Variants in DLG2 observed in about 807,000 individuals in gnomAD.
DLG2 encodes disks large homolog 2.
Under a neutral mutation model 132.5 loss-of-function variants are expected in DLG2, and 45 were observed. The observed-to-expected ratio is 0.34, with a 90% CI of 0.27 to 0.44. The LOEUF is 0.44. Among genes scored for constraint, DLG2 ranks in the 20% least tolerant of loss-of-function variants. The pLI is 1.00. For synonymous variants in DLG2, 424 were observed against 419.6 expected, an observed-to-expected ratio of 1.01 and a Z score of -0.13; for missense variants, 1,045 against 1,196.9, an observed-to-expected ratio of 0.87 and a Z score of 1.87.
At chr11:85,053,279 A>G (rs190862470) in intron 6 of DLG2, among the ~76,000 whole-genome samples, 279 of 152,264 alleles carry the variant, frequency 1.8e-3, no homozygotes, top group African/African-American at 6.4e-3. Flanking sequence ...AAAAAACACT[A>G]AAGAAAAAGA....
intron 6 of DLG2, among the ~76,000 whole-genome samples, chr11:84,538,836 TTTTC>T (rs1166396909): frequency 6.6e-6 from 1 of 152,148 alleles, no homozygotes; most frequent in African/African-American, 2.4e-5. Context: ...CCGTGTTTTT[TTTTC>T]TTTGAGTCTT....
At chr11:83,936,068 T>C (rs1476885384) in intron 14 of DLG2, among the ~76,000 whole-genome samples, 7 of 152,200 alleles carry the variant, frequency 4.6e-5, no homozygotes, top group South Asian at 2.1e-4. Context: ...CAAGGATGCA[T>C]AACCTCAGAA....
intron 4 of DLG2, among the ~76,000 whole-genome samples, chr11:85,281,279 T>C (rs1389093142): frequency 6.6e-6 from 1 of 151,990 alleles, no homozygotes; most frequent in Non-Finnish European, 1.5e-5. Context: ...CTTTTAAACT[T>C]ACATGCTATT....
chr11:84,901,964 G>A (rs2090943866), intron 6 of DLG2, among the ~76,000 whole-genome samples: 1 of 151,822 alleles, frequency 6.6e-6, no homozygotes, highest in Admixed American at 6.6e-5. Flanking sequence ...AAATATTTTG[G>A]GAGATAAACA....
intron 7 of DLG2, among the ~76,000 whole-genome samples, chr11:84,397,543 GCTCT>G (rs970961028): frequency 2.6e-5 from 4 of 152,148 alleles, no homozygotes; most frequent in Non-Finnish European, 4.4e-5. Flanking sequence ...AATTCTCCAT[GCTCT>G]CTCTCTATTT....
chr11:84,377,431 T>C (rs2098733708), intron 7 of DLG2, among the ~76,000 whole-genome samples: 1 of 151,954 alleles, frequency 6.6e-6, no homozygotes, highest in East Asian at 1.9e-4. Context: ...TTTGAAATAA[T>C]AAGGGGAATT....
At chr11:84,721,601 T>C (rs2061845886) in intron 6 of DLG2, among the ~76,000 whole-genome samples, 1 of 151,074 alleles carries the variant, frequency 6.6e-6, no homozygotes. Context: ...AAATTGCTTA[T>C]GGAAGACAAA....
At chr11:85,378,604 T>C (rs540499010) in intron 3 of DLG2, among the ~76,000 whole-genome samples, 1 of 152,112 alleles carries the variant, frequency 6.6e-6, no homozygotes, top group Non-Finnish European at 1.5e-5. Context: ...AAATGAACTA[T>C]CTTTTCAAAA....
chr11:83,848,124 C>CA (rs2058985850), intron 16 of DLG2, among the ~76,000 whole-genome samples: 1 of 132,844 alleles, frequency 7.5e-6, no homozygotes, highest in Non-Finnish European at 1.6e-5. Context: ...TCCCCCACAC[C>CA]TTTTTTTTTT....
At chr11:85,602,862 A>G (rs1261254043) in intron 2 of DLG2, among the ~76,000 whole-genome samples, 2 of 152,178 alleles carry the variant, frequency 1.3e-5, no homozygotes, top group Non-Finnish European at 2.9e-5. Context: ...TCTCTCAGGT[A>G]TCCATAAAGC....
chr11:83,969,853 G>A (rs543825005), intron 12 of DLG2, among the ~76,000 whole-genome samples: 4 of 152,066 alleles, frequency 2.6e-5, no homozygotes, highest in South Asian at 2.1e-4. Flanking sequence ...GATTACAGGC[G>A]TGAGCCACCA....
At chr11:84,721,431 A>C (rs918299665) in intron 6 of DLG2, among the ~76,000 whole-genome samples, 7 of 152,022 alleles carry the variant, frequency 4.6e-5, no homozygotes, top group African/African-American at 1.5e-4. Flanking sequence ...ACTCCAGGAA[A>C]CCCCAGAAGT....
At chr11:85,267,075 C>G (rs1478651632) in intron 4 of DLG2, among the ~76,000 whole-genome samples, 1 of 152,166 alleles carries the variant, frequency 6.6e-6, no homozygotes, top group African/African-American at 2.4e-5. Flanking sequence ...CTTCAAAATT[C>G]ATATGTTGAG....
At chr11:84,301,847 G>C (rs2098159014) in intron 7 of DLG2, among the ~76,000 whole-genome samples, 1 of 151,688 alleles carries the variant, frequency 6.6e-6, no homozygotes, top group African/African-American at 2.4e-5. Context: ...CCCATTACTG[G>C]GTATATACCC....
intron 11 of DLG2, among the ~76,000 whole-genome samples, chr11:84,056,902 TCTCACCTC>T (rs1332644361): frequency 1.3e-5 from 2 of 152,136 alleles, no homozygotes; most frequent in African/African-American, 4.8e-5. Context: ...GGCCCAATAG[TCTCACCTC>T]TCTCTACAGG....
rs535629971 is a variant in DLG2, at chr11:83,869,044, T to C, written c.1565+5376A>G. Among the ~76,000 whole-genome samples the C allele has an allele frequency of 2.6e-5, 4 of 152,292 alleles. No homozygotes were observed. In the South Asian group the frequency reaches 8.3e-4, roughly 32 times the overall value. On this transcript the variant is annotated intron_variant, in intron 16 of 27. Coordinates refer to ENST00000376104, the MANE Select transcript of DLG2 (RefSeq NM_001142699.3). The stretch of plus-strand genomic sequence containing the variant: ...AAAATTTTGTCTCCAAAATGTTAGA[T>C]TTGGAAGGCATCTAATACCTTGTTT...
chr11:84,569,865 C>G (rs1226903002), intron 6 of DLG2, among the ~76,000 whole-genome samples: 2 of 152,132 alleles, frequency 1.3e-5, no homozygotes, highest in African/African-American at 4.8e-5. Context: ...GACTGGACAC[C>G]TGGGCTTTGC....
chr11:85,276,596 G>T (rs2077905255), intron 4 of DLG2, among the ~76,000 whole-genome samples: 1 of 152,040 alleles, frequency 6.6e-6, no homozygotes, highest in Non-Finnish European at 1.5e-5. Context: ...GATAGGGTGA[G>T]CTGTACCGCC....
chr11:84,759,734 T>C (rs564713346), intron 6 of DLG2, among the ~76,000 whole-genome samples: 3 of 152,234 alleles, frequency 2.0e-5, no homozygotes, highest in South Asian at 4.1e-4. Context: ...ATTTTCTCCA[T>C]TGCAACAAAA....
Sources: gnomAD v4.1 joint callset for allele counts (sites outside exome capture counted in the v4.1 genomes callset) on GRCh38, gnomAD v4.1.1 for gene constraint, MANE v1.5 for transcripts, NCBI Gene and HGNC (gene_info 2026-07-23, HGNC 2026-07-21) for gene names.